MTAP: variants seen among roughly 807,000 people sequenced by gnomAD.
The protein encoded by MTAP is methylthioadenosine phosphorylase.
In MTAP, 33 loss-of-function variants were observed where a neutral mutation model predicts 33.6. That is an observed-to-expected ratio of 0.98 (90% confidence interval 0.74 to 1.31). MTAP has a LOEUF of 1.31. Among genes scored for constraint, MTAP ranks in the 40% most tolerant of loss-of-function variants. The probability of loss-of-function intolerance (pLI) is 0.00; values close to 1 mark genes in which losing one functional copy is unlikely to be tolerated. For synonymous variants in MTAP, 148 were observed against 125.7 expected, an observed-to-expected ratio of 1.18 and a Z score of -1.19; for missense variants, 367 against 360.0, an observed-to-expected ratio of 1.02 and a Z score of -0.16.
chr9:21,933,217 GAC>G (rs1818990094), downstream of MTAP: 1 of 152,214 alleles, frequency 6.6e-6, no homozygotes, highest in Admixed American at 6.5e-5. Flanking sequence ...GGATGGGGAA[GAC>G]ACAGATCTAG....
chr9:21,906,108 T>A (rs1818472648), intron 1 of MTAP, among the ~76,000 whole-genome samples: 1 of 152,140 alleles, frequency 6.6e-6, no homozygotes, highest in Non-Finnish European at 1.5e-5. Context: ...CTACACAAGA[T>A]TTCTATAGGT....
intron 1 of MTAP, among the ~76,000 whole-genome samples, chr9:21,911,185 G>A (rs573530549): frequency 1.7e-3 from 257 of 152,232 alleles, no homozygotes; most frequent in Non-Finnish European, 3.0e-3. Context: ...AATAATGGGA[G>A]ACTTTAACAC....
In MTAP at chr9:21,856,393, A is replaced by G. The variant is rs543510145; in HGVS notation, c.690+1523A>G. Among the ~76,000 whole-genome samples, 12 of 152,288 alleles carry G rather than the reference A, an allele frequency of 7.9e-5. No homozygotes were observed. In the South Asian group the frequency reaches 2.5e-3, roughly 32 times the overall value. On this transcript the variant is annotated intron_variant, in intron 6 of 7. Transcript: ENST00000644715. ...AATAAACTGTTTGCTTAGTACTAGG[A>G]TGCCTTTTATGTAAGAGATTCGCAA...
intron 1 of MTAP, among the ~76,000 whole-genome samples, chr9:21,878,867 G>C (rs1368725677): frequency 1.3e-5 from 2 of 152,150 alleles, no homozygotes; most frequent in African/African-American, 4.8e-5. Context: ...GCATGGTTTT[G>C]AGCAATTTTT....
At chr9:21,929,088 C>G (rs1383940104) in intron 1 of MTAP, among the ~76,000 whole-genome samples, 1 of 151,966 alleles carries the variant, frequency 6.6e-6, no homozygotes, top group East Asian at 1.9e-4. Context: ...TCTGGGGGGG[C>G]CACTTCACTG....
intron 3 of MTAP, among the ~76,000 whole-genome samples, chr9:21,817,031 G>A (rs549815974): frequency 6.6e-6 from 1 of 152,278 alleles, no homozygotes; most frequent in South Asian, 2.1e-4. Flanking sequence ...AGTTCTAACT[G>A]CAAGAAGAAA....
At chr9:21,869,034 A>C (rs1825896578), downstream of MTAP, among the ~76,000 whole-genome samples, 1 of 152,146 alleles carries the variant, frequency 6.6e-6, no homozygotes. Context: ...CCTAGTAAGG[A>C]CATCAGTCTA....
chr9:21,922,253 G>T lies in MTAP; in HGVS notation c.148-8755G>T, dbSNP rs186354812. 1.6e-4 allele frequency among the ~76,000 whole-genome samples: 24 copies of T among 151,878 alleles called. No homozygotes were observed. Among genetic ancestry groups the T allele is most frequent in the African/African-American group, 5.8e-4 (24 of 41,408 alleles). On this transcript the variant is annotated intron_variant, in intron 1 of 1. Coordinates refer to the MTAP transcript ENST00000577563. This position sits in a 1 kb window ranked among gnomAD's most constrained non-coding sequence, Gnocchi z 4.8. Reference sequence around the variant, plus strand: ...CAGTAAATACACTGTGCATGTGGCCGCTCACAAGTGCTGGCAGGCCACTGT... The same window carrying T: ...CAGTAAATACACTGTGCATGTGGCCTCTCACAAGTGCTGGCAGGCCACTGT...
chr9:21,802,880 G>A, intron 1 of MTAP, 99 bp downstream of exon 1: 1 of 1,521,568 alleles, frequency 6.6e-7, no homozygotes, highest in Non-Finnish European at 8.8e-7. Flanking sequence ...CGCCCGGCCC[G>A]TGCGTCCCTT....
intron 1 of MTAP, among the ~76,000 whole-genome samples, chr9:21,897,346 C>G (rs1292040699): frequency 6.6e-6 from 1 of 152,168 alleles, no homozygotes; most frequent in Non-Finnish European, 1.5e-5. Flanking sequence ...TCTCCCACCA[C>G]CCCTATTCAA....
At chr9:21,920,908 C>G (rs1194497834) in intron 1 of MTAP, among the ~76,000 whole-genome samples, 1 of 152,154 alleles carries the variant, frequency 6.6e-6, no homozygotes, top group Non-Finnish European at 1.5e-5. Flanking sequence ...ATTTTGGTAT[C>G]AAGGTAATGC....
downstream of MTAP, chr9:21,867,095 T>C (rs73438587): frequency 5.3e-4 from 81 of 152,298 alleles, no homozygotes; most frequent in African/African-American, 1.8e-3. Context: ...GTTCTTATTT[T>C]TATTTTATTG....
intron 4 of MTAP, among the ~76,000 whole-genome samples, chr9:21,826,065 A>G (rs1162909033): frequency 1.3e-5 from 2 of 152,064 alleles, no homozygotes. Flanking sequence ...TATGGTTTGT[A>G]AACATTTTTT....
intron 6 of MTAP, among the ~76,000 whole-genome samples, chr9:21,855,925 A>T (rs940602566): frequency 2.0e-5 from 3 of 152,184 alleles, no homozygotes; most frequent in Non-Finnish European, 4.4e-5. Flanking sequence ...AAAAATAATG[A>T]TATTAATTTC....
intron 1 of MTAP, among the ~76,000 whole-genome samples, chr9:21,803,799 G>C (rs1006151150): frequency 5.9e-5 from 9 of 152,022 alleles, no homozygotes; most frequent in African/African-American, 1.7e-4. Flanking sequence ...AAAGCATCTC[G>C]ATTCCCTACA....
intron 5 of MTAP, among the ~76,000 whole-genome samples, chr9:21,839,484 C>T (rs1183332784): frequency 6.6e-6 from 1 of 152,126 alleles, no homozygotes; most frequent in Non-Finnish European, 1.5e-5. Context: ...ATGGGGAAAG[C>T]ACAATGGAGC....
chr9:21,819,516 A>G (rs1397244785), intron 4 of MTAP, among the ~76,000 whole-genome samples: 4 of 152,214 alleles, frequency 2.6e-5, no homozygotes, highest in African/African-American at 9.6e-5. Context: ...TATATGTGCC[A>G]CATTTTCTTA....
chr9:21,835,257 G>A (rs1363223920), intron 4 of MTAP, among the ~76,000 whole-genome samples: 1 of 152,096 alleles, frequency 6.6e-6, no homozygotes, highest in Non-Finnish European at 1.5e-5. Context: ...TTGTGAGTTT[G>A]GATTTCAGCA....
In MTAP at chr9:21,923,918, C is replaced by A. The variant is rs115882090; in HGVS notation, c.148-7090C>A. 2.8e-3 allele frequency among the ~76,000 whole-genome samples: 433 copies of A among 152,238 alleles called. 2 individuals carry two copies. Among genetic ancestry groups the A allele is most frequent in the African/African-American group, 1.0e-2 (414 of 41,546 alleles). ...AGCCCAAGGCTGCAGGTGCAAGAGA[C>A]AAAGTACCCATAGGACAGAGAGAGA... On this transcript the variant is annotated intron_variant, in intron 1 of 1. Coordinates refer to the MTAP transcript ENST00000577563.
Sources: gnomAD v4.1 joint callset for allele counts (sites outside exome capture counted in the v4.1 genomes callset) on GRCh38, gnomAD v4.1.1 for gene constraint, Gnocchi (gnomAD v3.1) non-coding constraint, MANE v1.5 for transcripts, NCBI Gene and HGNC (gene_info 2026-07-23, HGNC 2026-07-21) for gene names.